Variants in EFCAB6 observed in about 807,000 individuals in gnomAD.
EFCAB6 encodes the protein EF-hand calcium binding domain 6, also known as EF-hand calcium-binding domain-containing protein 6.
EFCAB6 carries 156 observed loss-of-function variants against 169.8 expected under a neutral mutation model. The observed-to-expected ratio is 0.92, with a 90% CI of 0.81 to 1.05. The LOEUF (loss-of-function observed/expected upper bound fraction) is 1.05, where lower values mean the gene tolerates loss of function less well. Ranked by LOEUF, EFCAB6 falls within the 50% of genes least tolerant of loss-of-function variation. EFCAB6 has a pLI of 0.00. For synonymous variants in EFCAB6, 698 were observed against 676.4 expected, an observed-to-expected ratio of 1.03 and a Z score of -0.50; for missense variants, 1,800 against 1,829.1, an observed-to-expected ratio of 0.98 and a Z score of 0.29.
At chr22:43,730,461 T>C (rs149292674) in intron 8 of EFCAB6, among the ~76,000 whole-genome samples, 1 of 151,552 alleles carries the variant, frequency 6.6e-6, no homozygotes, top group East Asian at 2.0e-4. Flanking sequence ...CCTGTGGACA[T>C]TATATCCAAG....
At chr22:43,650,329 C>T (rs1235216857) in intron 17 of EFCAB6, among the ~76,000 whole-genome samples, 3 of 152,150 alleles carry the variant, frequency 2.0e-5, no homozygotes, top group Non-Finnish European at 2.9e-5. Context: ...AGAGATCTGA[C>T]GGTTTTAAAA....
At chr22:43,721,272 G>A (rs2059515323) in intron 8 of EFCAB6, among the ~76,000 whole-genome samples, 1 of 152,168 alleles carries the variant, frequency 6.6e-6, no homozygotes, top group Non-Finnish European at 1.5e-5. Flanking sequence ...CGGATTGAAA[G>A]AATCAGTATC....
At chr22:43,686,260 G>A (rs573811568) in intron 11 of EFCAB6, among the ~76,000 whole-genome samples, 4 of 152,110 alleles carry the variant, frequency 2.6e-5, no homozygotes, top group African/African-American at 4.8e-5. Flanking sequence ...GATTATAGGC[G>A]TGAGTCACCG....
chr22:43,784,080 T>C (rs954335329), intron 2 of EFCAB6, among the ~76,000 whole-genome samples: 17 of 151,616 alleles, frequency 1.1e-4, no homozygotes, highest in African/African-American at 3.9e-4. Context: ...AATAAATAAA[T>C]AAATAAAATG....
At chr22:43,754,844 T>A (rs928895382) in intron 6 of EFCAB6, among the ~76,000 whole-genome samples, 1 of 152,162 alleles carries the variant, frequency 6.6e-6, no homozygotes, top group African/African-American at 2.4e-5. Context: ...CTAAGTAATA[T>A]CAATTGCACG....
At chr22:43,804,791 T>C (rs994152930) in intron 2 of EFCAB6, among the ~76,000 whole-genome samples, 3 of 142,228 alleles carry the variant, frequency 2.1e-5, no homozygotes, top group Non-Finnish European at 4.6e-5. Flanking sequence ...AGAGGATAAA[T>C]AAACACAATT....
chr22:43,745,863 T>C (rs1412648800), intron 6 of EFCAB6, among the ~76,000 whole-genome samples: 2 of 152,172 alleles, frequency 1.3e-5, no homozygotes, highest in Non-Finnish European at 2.9e-5. Flanking sequence ...TGTGCAGATA[T>C]GAAGCACTAT....
chr22:43,684,335 C>T lies in EFCAB6; in HGVS notation c.1143-480G>A, dbSNP rs148973270. Among the ~76,000 whole-genome samples the T allele has an allele frequency of 1.1e-3, 161 of 152,296 alleles. 1 individual carries two copies. Among genetic ancestry groups the T allele is most frequent in the African/African-American group, 3.7e-3 (155 of 41,578 alleles). On this transcript the variant is annotated intron_variant, in intron 11 of 31. Transcript: ENST00000262726. ...TGTTGACAATGACCATGATGCCCTACGTTGTCAGACCCCCTTTCCCTCTAT... is the reference window on the plus strand; with the variant it reads ...TGTTGACAATGACCATGATGCCCTATGTTGTCAGACCCCCTTTCCCTCTAT...
At chr22:43,685,402 A>G (rs2058155641) in intron 11 of EFCAB6, among the ~76,000 whole-genome samples, 1 of 152,182 alleles carries the variant, frequency 6.6e-6, no homozygotes, top group Non-Finnish European at 1.5e-5. Context: ...CTGGGAGCCC[A>G]GAGAGAACAC....
intron 6 of EFCAB6, among the ~76,000 whole-genome samples, chr22:43,752,600 T>C (rs1369581453): frequency 6.6e-6 from 1 of 152,148 alleles, no homozygotes; most frequent in Non-Finnish European, 1.5e-5. Context: ...GTGTGGGGCA[T>C]AATTCCAGGC....
Position 43,667,201 on chromosome 22 carries a change from T to C in EFCAB6, c.1886A>G (p.Lys629Arg). 1 of 1,614,190 alleles carries C rather than the reference T, an allele frequency of 6.2e-7. No individual in the cohort carries two copies. Among genetic ancestry groups the C allele is most frequent in the Non-Finnish European group, 8.5e-7 (1 of 1,180,016 alleles). Residue 629 changes from lysine (K) to arginine (R), a missense_variant, in exon 17 of 32, where the codon AAA (lysine) becomes AGA (arginine). Transcript: ENST00000262726. ...CGGGTCCTGCTGCTGTATACACTTT[T>C]TGAATTTTTCAATCACTTCTTCTGT... ...MTTEEVIEKF[K>R]KCIQQQDPAF...
intron 17 of EFCAB6, 70 bp from the exon 18 acceptor site, chr22:43,635,286 C>G: frequency 9.0e-7 from 1 of 1,108,068 alleles, no homozygotes. Context: ...CAGAGCACCT[C>G]CTGCCCCTGT....
chr22:43,537,551 A>C lies in EFCAB6; in HGVS notation c.3880-6T>G. Reference sequence around the variant, plus strand: ...ACGGTGGTGCTCGCTGGAGTCTAGCAGGGAAGAAAAGAAAAGGCTCTTTTC... The same window carrying C: ...ACGGTGGTGCTCGCTGGAGTCTAGCCGGGAAGAAAAGAAAAGGCTCTTTTC... On this transcript the variant is annotated splice_polypyrimidine_tract_variant and splice_region_variant and intron_variant, in intron 28 of 31. Coordinates refer to ENST00000262726, the MANE Select transcript of EFCAB6 (RefSeq NM_022785.4). This position sits in a 1 kb window ranked among gnomAD's most constrained non-coding sequence, Gnocchi z 4.3. The C allele has an allele frequency of 6.2e-7, 1 of 1,602,490 alleles. No homozygotes were observed.
At chr22:43,534,566 A>G (rs1211802928) in intron 30 of EFCAB6, 122 bp downstream of exon 30, 2 of 910,074 alleles carry the variant, frequency 2.2e-6, no homozygotes, top group Non-Finnish European at 3.1e-6. Context: ...TTGAGGCTGC[A>G]GTGAACCGTG....
intron 1 of EFCAB6, among the ~76,000 whole-genome samples, chr22:43,810,929 T>C (rs1419809134): frequency 6.6e-6 from 1 of 152,158 alleles, no homozygotes; most frequent in African/African-American, 2.4e-5. Context: ...AGTAAACGTT[T>C]GCTGAATTGA....
At chr22:43,636,362 GC>G (rs1268425066) in intron 17 of EFCAB6, among the ~76,000 whole-genome samples, 2 of 152,132 alleles carry the variant, frequency 1.3e-5, no homozygotes, top group African/African-American at 4.8e-5. Context: ...GTAAGGCCGT[GC>G]TGCAGTGTCG....
chr22:43,562,038 T>C (rs1026184718), intron 26 of EFCAB6, among the ~76,000 whole-genome samples: 6 of 152,164 alleles, frequency 3.9e-5, no homozygotes, highest in African/African-American at 1.4e-4. Flanking sequence ...TCCTGGCTGC[T>C]TCTGGTGACT....
intron 9 of EFCAB6, among the ~76,000 whole-genome samples, chr22:43,714,680 G>A (rs1277995239): frequency 6.6e-6 from 1 of 152,066 alleles, no homozygotes; most frequent in Admixed American, 6.6e-5. Context: ...GGAAAAGAAA[G>A]CATGATGGAC....
At chr22:43,721,202 A>C (rs1227824434) in intron 8 of EFCAB6, among the ~76,000 whole-genome samples, 2 of 152,248 alleles carry the variant, frequency 1.3e-5, no homozygotes, top group Non-Finnish European at 2.9e-5. Flanking sequence ...AAGAAGCACA[A>C]AACAGTGCTG....
Sources: gnomAD v4.1 joint callset for allele counts (sites outside exome capture counted in the v4.1 genomes callset) on GRCh38, gnomAD v4.1.1 for gene constraint, Gnocchi (gnomAD v3.1) non-coding constraint, MANE v1.5 for transcripts, NCBI Gene and HGNC (gene_info 2026-07-23, HGNC 2026-07-21) for gene names.